The following ABCB7 variants were observed in gnomAD, a reference collection of about 807,000 sequenced individuals.
ABCB7 encodes iron-sulfur clusters transporter ABCB7, mitochondrial.
A neutral mutation model predicts 54.4 loss-of-function variants in ABCB7; 7 were observed. That is an observed-to-expected ratio of 0.13 (90% CI 0.07 to 0.24). The LOEUF (loss-of-function observed/expected upper bound fraction) is 0.24, where lower values mean the gene tolerates loss of function less well. Ranked by LOEUF, ABCB7 falls within the 10% of genes least tolerant of loss-of-function variation. ABCB7 has a pLI of 1.00. For missense variants in ABCB7, 356 were observed against 570.4 expected, an observed-to-expected ratio of 0.62 and a Z score of 3.83; for synonymous variants, 218 against 207.1, an observed-to-expected ratio of 1.05 and a Z score of -0.45.
chrX:75,147,921 G>A (rs2082103782), intron 1 of ABCB7, among the ~76,000 whole-genome samples: 1 of 111,609 alleles, frequency 9.0e-6, no homozygotes, highest in Non-Finnish European at 1.9e-5. Flanking sequence ...TTCGAGACTA[G>A]CCTGGCCAAC....
At chrX:75,151,029 T>TC (rs1460193687) in intron 1 of ABCB7, among the ~76,000 whole-genome samples, 1 of 111,072 alleles carries the variant, frequency 9.0e-6, no homozygotes, top group African/African-American at 3.3e-5. Flanking sequence ...GGGATAGGTT[T>TC]CTGATTCCCC....
rs1338478237 is a variant in ABCB7 at position 75,156,263 on chromosome X, G to C, written c.10C>G (p.Leu4Val). The change falls in exon 1 of 16, where the codon CTC becomes GTC. Residue 4 changes from leucine (L) to valine (V), a missense_variant. Leu to Val is a conservative substitution (Grantham distance 32). Coordinates refer to ENST00000373394, the MANE Select transcript of ABCB7 (RefSeq NM_001271696.3). The part of the protein sequence containing the change: MAL[L>V]AMHSWRWAAA... Reference sequence around the variant, plus strand: ...GCCCAGCGCCAAGAATGCATCGCGAGCAGCGCCATCTTGAGCGAGGAAAGA... The same window carrying C: ...GCCCAGCGCCAAGAATGCATCGCGACCAGCGCCATCTTGAGCGAGGAAAGA... The C allele has an allele frequency of 1.3e-5, 16 of 1,203,107 alleles. No individual in the cohort carries two copies. The highest frequency in any genetic ancestry group is 1.7e-5 in the Non-Finnish European group (15 of 892,106).
Position 75,103,123 on chromosome X carries a change from A to G in ABCB7, c.334-4062T>C, listed in dbSNP as rs1311217569. Reference sequence around the variant, plus strand: ...TGCTGTGTGGAAGCTTTTAAGCTTAATATAGTCCCAGCTGTCTATTTTTGG... The same window carrying G: ...TGCTGTGTGGAAGCTTTTAAGCTTAGTATAGTCCCAGCTGTCTATTTTTGG... On this transcript the variant is annotated intron_variant, in intron 3 of 15. Transcript: ENST00000373394. 5.4e-5 allele frequency among the ~76,000 whole-genome samples: 6 copies of G among 111,749 alleles called. No individual in the cohort carries two copies. The Admixed American group carries it at 5.7e-4, about 11-fold the overall frequency.
At chrX:75,104,241 A>G (rs1288339925) in intron 3 of ABCB7, among the ~76,000 whole-genome samples, 3 of 105,718 alleles carry the variant, frequency 2.8e-5, no homozygotes, top group Non-Finnish European at 5.8e-5. Flanking sequence ...TCCTGTGTCT[A>G]TTGACAAATA....
At position 75,073,909 on chromosome X, in the gene ABCB7, A is replaced by C. The variant is rs1384768981; in HGVS notation, c.903T>G (p.Leu301=). Residue 301 remains leucine (L), a synonymous_variant, in exon 7 of 16, where the codon CTT becomes CTG. Coordinates refer to ENST00000373394, the MANE Select transcript of ABCB7 (RefSeq NM_001271696.3). ...AQFALVTLGT[L]GTYTAFTVAV... ...CAACTGTGAATGCTGTGTATGTACC[A>C]AGTGTTCCAAGGGTTACCAAAGCAA... is the stretch of plus-strand genomic sequence containing the variant. The C allele has an allele frequency of 8.3e-7, 1 of 1,210,948 alleles. No homozygotes were observed. The highest frequency in any genetic ancestry group is 1.8e-5 in the South Asian group (1 of 56,999).
intron 1 of ABCB7, among the ~76,000 whole-genome samples, 200 bp from the exon 2 acceptor site, chrX:75,115,031 A>G (rs1420089773): frequency 9.0e-6 from 1 of 110,668 alleles, no homozygotes; most frequent in Non-Finnish European, 1.9e-5. Flanking sequence ...GCACTTTGGG[A>G]GGCTAAGGCG....
chrX:75,099,503 C>G, intron 3 of ABCB7, among the ~76,000 whole-genome samples: 1 of 111,307 alleles, frequency 9.0e-6, no homozygotes, highest in East Asian at 2.8e-4. Context: ...CATGGTAGAG[C>G]TGAGTTGCAA....
At chrX:75,058,220 T>A (rs1448939914) in intron 15 of ABCB7, among the ~76,000 whole-genome samples, 3 of 111,640 alleles carry the variant, frequency 2.7e-5, no homozygotes, top group Admixed American at 1.9e-4. Flanking sequence ...TGCTTTTTTT[T>A]AAATTGATGT....
At chrX:75,075,726 G>A (rs2081403067) in intron 5 of ABCB7, 96 bp from the exon 6 acceptor site, 1 of 813,593 alleles carries the variant, frequency 1.2e-6, no homozygotes, top group African/African-American at 2.1e-5. Context: ...TGTACAATGA[G>A]TAATTCAGTG....
chrX:75,079,387 G>C (rs2081437250), intron 4 of ABCB7, among the ~76,000 whole-genome samples: 1 of 112,034 alleles, frequency 8.9e-6, no homozygotes, highest in Non-Finnish European at 1.9e-5. Context: ...AGTTTTATTT[G>C]CTTTGTGATA....
chrX:75,141,809 A>T (rs746692769), intron 1 of ABCB7, among the ~76,000 whole-genome samples: 3 of 111,069 alleles, frequency 2.7e-5, no homozygotes, highest in Non-Finnish European at 5.7e-5. Flanking sequence ...CAGTGCAGGG[A>T]AAATATAAGA....
At chrX:75,090,298 G>A (rs2081534050) in intron 4 of ABCB7, among the ~76,000 whole-genome samples, 1 of 108,806 alleles carries the variant, frequency 9.2e-6, no homozygotes, top group South Asian at 4.0e-4. Flanking sequence ...CACATAGCAC[G>A]AAGTATGCCC....
intron 2 of ABCB7, among the ~76,000 whole-genome samples, chrX:75,114,028 A>G (rs752496017): frequency 7.1e-5 from 8 of 111,895 alleles, no homozygotes; most frequent in Non-Finnish European, 1.5e-4. Context: ...AAAACAAAAG[A>G]CTAAAATAGA....
At chrX:75,130,792 T>G in intron 1 of ABCB7, among the ~76,000 whole-genome samples, 1 of 111,358 alleles carries the variant, frequency 9.0e-6, no homozygotes, top group East Asian at 2.8e-4. Context: ...GGAGAATCAG[T>G]ACCTTGAAAA....
At chrX:75,060,768 T>C (rs181032656) in intron 14 of ABCB7, among the ~76,000 whole-genome samples, 120 of 111,735 alleles carry the variant, frequency 1.1e-3, no homozygotes, top group Admixed American at 1.0e-3. Context: ...TCAAAGAGTA[T>C]AGGAACATTT....
At chrX:75,117,585 G>C (rs2081834089) in intron 1 of ABCB7, among the ~76,000 whole-genome samples, 1 of 111,160 alleles carries the variant, frequency 9.0e-6, no homozygotes, top group Non-Finnish European at 1.9e-5. Context: ...TTTCAGTAAA[G>C]TCCCTCTCAG....
intron 3 of ABCB7, among the ~76,000 whole-genome samples, chrX:75,111,923 T>C (rs753953398): frequency 4.5e-5 from 5 of 112,124 alleles, no homozygotes; most frequent in African/African-American, 1.6e-4. Flanking sequence ...CAAAGACTAA[T>C]GCAAAGACAA....
intron 14 of ABCB7, among the ~76,000 whole-genome samples, chrX:75,060,947 T>C (rs2081278082): frequency 8.9e-6 from 1 of 111,973 alleles, no homozygotes; most frequent in Non-Finnish European, 1.9e-5. Context: ...TATTCAGCTA[T>C]ACTTGGAAAC....
chrX:75,152,652 G>A (rs1380111157), intron 1 of ABCB7, among the ~76,000 whole-genome samples: 1 of 110,483 alleles, frequency 9.1e-6, no homozygotes, highest in African/African-American at 3.3e-5. Flanking sequence ...AACCCCTTCA[G>A]GTCCTTTTTT....
Sources: allele counts gnomAD v4.1 joint callset (sites outside exome capture counted in the v4.1 genomes callset), GRCh38; gene constraint gnomAD v4.1.1; transcripts MANE v1.5; gene names NCBI Gene and HGNC (gene_info 2026-07-23, HGNC 2026-07-21).